TRIM71: variants seen among roughly 807,000 people sequenced by gnomAD.
TRIM71 encodes the protein tripartite motif containing 71.
A neutral mutation model predicts 61.2 loss-of-function variants in TRIM71; 9 were observed. That is an observed-to-expected ratio of 0.15 (90% CI 0.09 to 0.26). TRIM71 has a LOEUF of 0.26. TRIM71 is among the 10% of genes least tolerant of loss of function. TRIM71 has a pLI of 1.00. For synonymous variants in TRIM71, 645 were observed against 553.2 expected (o/e 1.17, Z -2.33); for missense variants, 998 against 1,238.7 (o/e 0.81, Z 2.92).
intron 2 of TRIM71, among the ~76,000 whole-genome samples, chr3:32,879,521 G>A (rs1696885078): frequency 6.6e-6 from 1 of 152,026 alleles, no homozygotes; most frequent in South Asian, 2.1e-4. Flanking sequence ...AAGATCACTT[G>A]TCACAGATCA....
At chr3:32,864,030 C>T (rs191025313) in intron 1 of TRIM71, among the ~76,000 whole-genome samples, 32 of 152,146 alleles carry the variant, frequency 2.1e-4, no homozygotes, top group African/African-American at 2.9e-4. Flanking sequence ...GTATGTACCA[C>T]GGTGTATGTT....
In TRIM71 at chr3:32,890,399, C is replaced by G; in HGVS notation, c.1195C>G (p.Leu399Val). The change falls in exon 4 of 4, where the codon CTG becomes GTG. Residue 399 changes from leucine (L) to valine (V), a missense_variant. Coordinates refer to ENST00000383763, the MANE Select transcript of TRIM71 (RefSeq NM_001039111.3). The surrounding 1 kb of genome is among the most constrained non-coding windows in gnomAD (Gnocchi z 6.2). ...CCAGGTGAAAGCCAAGTCTCTGTAC[C>G]TGCAGGTGGAGAAGCTGCGGCAAAA... Reference protein sequence around the residue: ...IRQVKAKSLYLQVEKLRQNLN... With the variant: ...IRQVKAKSLYVQVEKLRQNLN... The G allele has an allele frequency of 1.2e-6, 2 of 1,613,890 alleles. No individual in the cohort carries two copies. Among genetic ancestry groups the G allele is most frequent in the Non-Finnish European group, 1.7e-6 (2 of 1,179,796 alleles).
chr3:32,846,366 T>C lies in TRIM71; in HGVS notation c.852+27434T>C, dbSNP rs549625694. The stretch of plus-strand genomic sequence containing the variant: ...CTGGGATTACAGGCGTGAGCCACTA[T>C]GCCTGGCCACCACTTCTTATTTTTA... On this transcript the variant is annotated intron_variant, in intron 1 of 3. Coordinates refer to ENST00000383763, the MANE Select transcript of TRIM71 (RefSeq NM_001039111.3). Among the ~76,000 whole-genome samples the C allele has an allele frequency of 1.1e-4, 17 of 152,370 alleles. No homozygotes were observed. In the South Asian group the frequency reaches 3.3e-3, roughly 30 times the overall value.
rs1696573068 is a variant in TRIM71 at position 32,854,334 on chromosome 3, C to CT, written c.853-19482dup. On this transcript the variant is annotated intron_variant, in intron 1 of 3. Coordinates refer to ENST00000383763, the MANE Select transcript of TRIM71 (RefSeq NM_001039111.3). ...TAATAGTTTTGTTCTCTAGCACATT[C>CT]TTAGAGATAGTTGTTTCTGGAGAGA... 4.6e-5 allele frequency among the ~76,000 whole-genome samples: 7 copies of CT among 152,308 alleles called. No homozygotes were observed. In the South Asian group the frequency reaches 1.4e-3, roughly 32 times the overall value.
intron 1 of TRIM71, among the ~76,000 whole-genome samples, chr3:32,834,572 A>G (rs551396758): frequency 6.6e-6 from 1 of 152,254 alleles, no homozygotes; most frequent in Admixed American, 6.5e-5. Context: ...GAAAACGAAC[A>G]TTTCATTTTC....
chr3:32,829,062 C>T (rs1054820659), intron 1 of TRIM71, among the ~76,000 whole-genome samples: 10 of 151,376 alleles, frequency 6.6e-5, no homozygotes, highest in African/African-American at 2.4e-4. Flanking sequence ...GATGTGATCT[C>T]GGCTCACTGC....
At chr3:32,874,324 T>TACTACTAC (rs1696830439) in intron 2 of TRIM71, among the ~76,000 whole-genome samples, 2 of 121,568 alleles carry the variant, frequency 1.6e-5, no homozygotes, top group African/African-American at 7.7e-5. Context: ...TTAATGCTTA[T>TACTACTAC]TACTACTACT....
At position 32,818,754 on chromosome 3, in the gene TRIM71, G is replaced by T. The variant is rs756622870; in HGVS notation, c.674G>T (p.Arg225Leu). ...CQEHLCDNCV[R>L]AHQRVRLTKD... ...GAGCACCTGTGCGACAACTGCGTCC[G>T]AGCGCACCAGCGCGTGCGCCTCACC... The change falls in exon 1 of 4, where the codon CGA (arginine) becomes CTA (leucine). Residue 225 changes from arginine to leucine, a missense_variant. By Grantham distance (102) the Arg-to-Leu change is moderately radical (BLOSUM62 -2). Around this residue, in one of 5 missense-constraint regions of TRIM71, gnomAD observed 527 missense variants for 427.8 expected, o/e 1.23. Coordinates refer to ENST00000383763, the MANE Select transcript of TRIM71 (RefSeq NM_001039111.3). 1.1e-5 allele frequency: 18 copies of T among 1,604,944 alleles called. No individual in the cohort carries two copies. The South Asian group carries it at 1.4e-4, about 13-fold the overall frequency.
Position 32,892,041 on chromosome 3 carries a change from C to A in TRIM71, c.*230C>A. Reference sequence around the variant, plus strand: ...ACTTATCTTTTCTGCAGGGATTGAGCCTGTGAAGTGATAATTTCTATCTAC... The same window carrying A: ...ACTTATCTTTTCTGCAGGGATTGAGACTGTGAAGTGATAATTTCTATCTAC... On this transcript the variant is annotated 3_prime_UTR_variant, in exon 4 of 4. Coordinates refer to ENST00000383763, the MANE Select transcript of TRIM71 (RefSeq NM_001039111.3). 3.8e-6 allele frequency: 2 copies of A among 532,122 alleles called. No individual in the cohort carries two copies. Among genetic ancestry groups the A allele is most frequent in the Non-Finnish European group, 6.2e-6 (2 of 324,544 alleles). 33.0% of individuals were successfully genotyped at this position (532,122 alleles called of 1,614,324 possible). A position where few individuals can be genotyped will look rare whatever the true frequency, so the allele number is the denominator to read the frequency against.
In TRIM71 at chr3:32,886,107, C is replaced by T. The variant is rs373019014; in HGVS notation, c.1155+39C>T. 4.3e-5 allele frequency: 69 copies of T among 1,589,226 alleles called. No homozygotes were observed. The Middle Eastern group carries it at 5.2e-4, about 12-fold the overall frequency. On this transcript the variant is annotated intron_variant, in intron 3 of 3. Transcript: ENST00000383763. ...CTCCCCCACCCAGGCTGTGCCCACT[C>T]GGCTTCCATGAACCTCAGCAGCACT...
chr3:32,868,237 A>C (rs1696759831), intron 1 of TRIM71, among the ~76,000 whole-genome samples: 1 of 151,870 alleles, frequency 6.6e-6, no homozygotes, highest in South Asian at 2.1e-4. Flanking sequence ...TTGAGAACAG[A>C]AACTGGTACT....
intron 1 of TRIM71, among the ~76,000 whole-genome samples, chr3:32,822,832 A>G (rs1383766769): frequency 6.6e-6 from 1 of 152,224 alleles, no homozygotes; most frequent in Non-Finnish European, 1.5e-5. Flanking sequence ...AGAGGCGATC[A>G]GATGTAACTA....
chr3:32,861,833 C>T (rs546822087), intron 1 of TRIM71, among the ~76,000 whole-genome samples: 7 of 152,154 alleles, frequency 4.6e-5, no homozygotes, highest in African/African-American at 9.6e-5. Flanking sequence ...GACAAATCTC[C>T]GTAATTCACA....
rs1575342056 is a variant in TRIM71 at position 32,830,641 on chromosome 3, G to T, written c.852+11709G>T. ...AGTCTGGCCTCTGTCGATATCAGTGGATTTAAGGACCAATTCCAGCTTTTG... is the reference window on the plus strand; with the variant it reads ...AGTCTGGCCTCTGTCGATATCAGTGTATTTAAGGACCAATTCCAGCTTTTG... On this transcript the variant is annotated intron_variant, in intron 1 of 3. Transcript: ENST00000383763. 2.6e-5 allele frequency among the ~76,000 whole-genome samples: 4 copies of T among 152,240 alleles called. No individual in the cohort carries two copies. In the South Asian group the frequency reaches 6.2e-4, roughly 24 times the overall value.
rs561824283 is a variant in TRIM71 at position 32,826,370 on chromosome 3, G to A, written c.852+7438G>A. On this transcript the variant is annotated intron_variant, in intron 1 of 3. Transcript: ENST00000383763. ...GGAGAATCACTTGAGCGTGGGAGGC[G>A]GAGGTTGCAGTGGGCCAGGATCATG... is the stretch of plus-strand genomic sequence containing the variant. Among the ~76,000 whole-genome samples the A allele has an allele frequency of 3.3e-5, 5 of 152,192 alleles. No homozygotes were observed. The South Asian group carries it at 8.3e-4, about 25-fold the overall frequency.
chr3:32,886,103 C>G, intron 3 of TRIM71, 35 bp downstream of exon 3: 1 of 1,591,436 alleles, frequency 6.3e-7, no homozygotes, highest in Non-Finnish European at 8.5e-7. Flanking sequence ...AGGCTGTGCC[C>G]ACTCGGCTTC....
rs183000557 is a variant in TRIM71, at chr3:32,829,561, A to G, written c.852+10629A>G. 1.0e-3 allele frequency among the ~76,000 whole-genome samples: 156 copies of G among 152,212 alleles called. 1 individual carries two copies. Among genetic ancestry groups the G allele is most frequent in the Admixed American group, 7.9e-3 (121 of 15,276 alleles). On this transcript the variant is annotated intron_variant, in intron 1 of 3. Coordinates refer to ENST00000383763, the MANE Select transcript of TRIM71 (RefSeq NM_001039111.3). ...TGTGGCATATCAAGGAAGCAGATCA[A>G]CTTGCTCAATGGAACAGTCTAATCT...
rs144521024 is a variant in TRIM71, at chr3:32,821,449, A to C, written c.852+2517A>C. Among the ~76,000 whole-genome samples, 930 of 150,312 alleles carry C rather than the reference A, an allele frequency of 6.2e-3. 8 individuals carry two copies. Among genetic ancestry groups the C allele is most frequent in the African/African-American group, 0.021 (859 of 40,912 alleles). ...CCTGCAGGGTCTCTCGCCCAGGGGG[A>C]CTTTCTTCCTTAAGCATCCCCTTGT... On this transcript the variant is annotated intron_variant, in intron 1 of 3. Transcript: ENST00000383763.
chr3:32,826,892 AG>A (rs1350750558), intron 1 of TRIM71, among the ~76,000 whole-genome samples: 1 of 151,818 alleles, frequency 6.6e-6, no homozygotes, highest in Middle Eastern at 3.2e-3. Context: ...CCTTCCCAGT[AG>A]CTGGGACTAC....
Sources: gnomAD v4.1 joint callset for allele counts (sites outside exome capture counted in the v4.1 genomes callset) on GRCh38, gnomAD v4.1.1 for gene constraint, gnomAD v4.1.1 regional missense constraint, Gnocchi (gnomAD v3.1) non-coding constraint, MANE v1.5 for transcripts, NCBI Gene and HGNC (gene_info 2026-07-23, HGNC 2026-07-21) for gene names.